ASB2: variants seen among roughly 807,000 people sequenced by gnomAD.
ASB2 encodes the protein ankyrin repeat and SOCS box protein 2.
A neutral mutation model predicts 62.4 loss-of-function variants in ASB2; 58 were observed. That is an observed-to-expected ratio of 0.93 (90% CI 0.75 to 1.16). The LOEUF (loss-of-function observed/expected upper bound fraction) is 1.16. ASB2 is among the 50% of genes most tolerant of loss of function. The pLI is 0.00. For synonymous variants in ASB2, 386 were observed against 385.3 expected, an observed-to-expected ratio of 1.00 and a Z score of -0.02; for missense variants, 928 against 887.9, an observed-to-expected ratio of 1.05 and a Z score of -0.57.
chr14:93,959,756 G>A (rs1889345337), intron 2 of ASB2, among the ~76,000 whole-genome samples: 1 of 152,036 alleles, frequency 6.6e-6, no homozygotes, highest in Non-Finnish European at 1.5e-5. Flanking sequence ...GAATGGGCTG[G>A]CAGGACAGTG....
intron 7 of ASB2, among the ~76,000 whole-genome samples, chr14:93,941,886 C>T (rs564760622): frequency 3.9e-5 from 6 of 152,256 alleles, no homozygotes; most frequent in South Asian, 2.1e-4. Flanking sequence ...TGTGTAACGC[C>T]GGACAGGCTC....
intron 3 of ASB2, among the ~76,000 whole-genome samples, chr14:93,954,778 T>C (rs1889115927): frequency 6.6e-6 from 1 of 152,142 alleles, no homozygotes; most frequent in African/African-American, 2.4e-5. Context: ...GAGGCACTTG[T>C]GATAATTAAA....
At chr14:93,946,879 C>G (rs910175950) in intron 7 of ASB2, among the ~76,000 whole-genome samples, 8 of 152,120 alleles carry the variant, frequency 5.3e-5, no homozygotes, top group African/African-American at 1.7e-4. Context: ...TCCTGTACTC[C>G]CGGAAATATT....
intron 3 of ASB2, among the ~76,000 whole-genome samples, chr14:93,956,417 T>G (rs1889205355): frequency 6.6e-6 from 1 of 152,196 alleles, no homozygotes; most frequent in Non-Finnish European, 1.5e-5. Flanking sequence ...CTCCTGGGCC[T>G]CTGGGGTTCT....
chr14:93,958,381 A>AC (rs1442018434), intron 2 of ASB2, among the ~76,000 whole-genome samples: 3 of 152,130 alleles, frequency 2.0e-5, no homozygotes, highest in East Asian at 3.9e-4. Flanking sequence ...AGAGGTTCAG[A>AC]CTACCACTGT....
At chr14:93,975,430 C>G (rs1388838214) in intron 1 of ASB2, among the ~76,000 whole-genome samples, 2 of 152,222 alleles carry the variant, frequency 1.3e-5, no homozygotes, top group African/African-American at 4.8e-5. Context: ...CTAGAGGCAC[C>G]AGAAACCAAG....
rs1888423800 is a variant in ASB2, at chr14:93,939,501, T to C, written c.1224A>G (p.Glu408=). 1 of 1,608,438 alleles carries C rather than the reference T, an allele frequency of 6.2e-7. No homozygotes were observed. Among genetic ancestry groups the C allele is most frequent in the Admixed American group, 1.7e-5 (1 of 59,692 alleles). ...AGTACAGCGCGGAGCTGCGCCGGTCTTCGTAGAGGCGCGCGCGCTCGGGGG... is the reference window on the plus strand; with the variant it reads ...AGTACAGCGCGGAGCTGCGCCGGTCCTCGTAGAGGCGCGCGCGCTCGGGGG... ...PLAPERARLY[E]DRRSSALYFA... The change falls in exon 8 of 10, where the codon GAA becomes GAG. Residue 408 remains glutamate (E), a synonymous_variant. Transcript: ENST00000555019.
At position 93,953,553 on chromosome 14, in the gene ASB2, G is replaced by T. The variant is rs747804222; in HGVS notation, c.479-46C>A. On this transcript the variant is annotated intron_variant, in intron 4 of 9. Coordinates refer to ENST00000555019, the MANE Select transcript of ASB2 (RefSeq NM_001202429.2). ...AATTCATGTAGGAGAAAGATACTCA[G>T]CCCCGCAACACAGAGGCTTTCCCGA... 6 of 1,502,912 alleles carry T rather than the reference G, an allele frequency of 4.0e-6. No individual in the cohort carries two copies. In the Admixed American group the frequency reaches 9.7e-5, roughly 24 times the overall value. 93.1% of individuals were successfully genotyped at this position (1,502,912 alleles called of 1,614,324 possible). A position where few individuals can be genotyped will look rare whatever the true frequency, so the allele number is the denominator to read the frequency against.
chr14:93,935,840 G>A (rs527455467), intron 9 of ASB2, among the ~76,000 whole-genome samples: 4 of 152,340 alleles, frequency 2.6e-5, no homozygotes, highest in Non-Finnish European at 4.4e-5. Context: ...ACGCCAAAGA[G>A]CAGGGAAGCA....
chr14:93,953,968 G>A (rs373827977), intron 4 of ASB2, among the ~76,000 whole-genome samples: 1 of 152,154 alleles, frequency 6.6e-6, no homozygotes, highest in East Asian at 1.9e-4. Context: ...GCAGGTGGGG[G>A]ATAGCCTTGG....
At chr14:93,956,034 A>G (rs1330231440) in intron 3 of ASB2, among the ~76,000 whole-genome samples, 4 of 152,160 alleles carry the variant, frequency 2.6e-5, no homozygotes, top group Middle Eastern at 3.2e-3. Context: ...GGAGAAAGAA[A>G]ATATTGGCCA....
chr14:93,950,186 C>G (rs1210064619), intron 6 of ASB2, among the ~76,000 whole-genome samples: 2 of 152,206 alleles, frequency 1.3e-5, no homozygotes, highest in African/African-American at 4.8e-5. Flanking sequence ...TTAGCAAGTC[C>G]TCAACAGATT....
rs1888197401 is a variant in ASB2 at position 93,934,447 on chromosome 14, T to TG, written c.*208dup. 1.7e-6 allele frequency: 1 copy of TG among 580,718 alleles called. No homozygotes were observed. Among genetic ancestry groups the TG allele is most frequent in the Admixed American group, 3.0e-5 (1 of 33,306 alleles). 36.0% of individuals were successfully genotyped at this position (580,718 alleles called of 1,614,324 possible). On this transcript the variant is annotated 3_prime_UTR_variant, in exon 10 of 10. Transcript: ENST00000555019. ...ATCTGCTCATCAGTTTGTAAACAAA[T>TG]GATTCTTCTCCTTGACACATTCTGT...
At chr14:93,952,563 G>A (rs977829957) in intron 5 of ASB2, among the ~76,000 whole-genome samples, 2 of 152,216 alleles carry the variant, frequency 1.3e-5, no homozygotes, top group African/African-American at 4.8e-5. Flanking sequence ...TGTAGGCATG[G>A]ACAGGATGCT....
chr14:93,953,989 G>A (rs1265939009), intron 4 of ASB2, among the ~76,000 whole-genome samples: 3 of 152,152 alleles, frequency 2.0e-5, no homozygotes, highest in Admixed American at 6.5e-5. Context: ...CCGGGCACAG[G>A]CACAGCTGCA....
chr14:93,964,482 T>C lies in ASB2; in HGVS notation c.58A>G (p.Ser20Gly), dbSNP rs894845540. 1.8e-5 allele frequency: 27 copies of C among 1,536,020 alleles called. No homozygotes were observed. The African/African-American group carries it at 3.3e-4, about 19-fold the overall frequency. Residue 20 changes from serine to glycine, a missense_variant, in exon 2 of 10, where the codon AGC (serine) becomes GGC (glycine). Coordinates refer to ENST00000555019, the MANE Select transcript of ASB2 (RefSeq NM_001202429.2). ...TCCTCGCTCAGGCTGCTGTACAGGC[T>C]GTACTCCTCCTGCCCAATGGTACAC... ...SQCTIGQEEY[S>G]LYSSLSEDEL...
intron 9 of ASB2, among the ~76,000 whole-genome samples, chr14:93,937,025 C>T (rs1665207321): frequency 6.6e-6 from 1 of 152,224 alleles, no homozygotes; most frequent in Admixed American, 6.5e-5. Flanking sequence ...AACTCCACTT[C>T]ACTGTGCCTG....
Sources: allele counts gnomAD v4.1 joint callset (sites outside exome capture counted in the v4.1 genomes callset), GRCh38; gene constraint gnomAD v4.1.1; transcripts MANE v1.5; gene names NCBI Gene and HGNC (gene_info 2026-07-23, HGNC 2026-07-21).